CACNA1E: variants seen among roughly 807,000 people sequenced by gnomAD.
CACNA1E encodes calcium voltage-gated channel subunit alpha1 E.
In CACNA1E, 40 loss-of-function variants were observed where a neutral mutation model predicts 259.2. The observed-to-expected ratio is 0.15, with a 90% confidence interval of 0.12 to 0.20. CACNA1E has a LOEUF of 0.20. CACNA1E is among the 10% of genes least tolerant of loss of function. The pLI is 1.00. For synonymous variants in CACNA1E, 1,104 were observed against 1,138.5 expected, an observed-to-expected ratio of 0.97 and a Z score of 0.61; for missense variants, 1,874 against 3,040.1, an observed-to-expected ratio of 0.62 and a Z score of 9.02.
chr1:181,531,563 C>G (rs1301102015), intron 3 of CACNA1E, among the ~76,000 whole-genome samples: 1 of 152,188 alleles, frequency 6.6e-6, no homozygotes, highest in Non-Finnish European at 1.5e-5. Context: ...TGGAGCTGGG[C>G]AGGGCGGGAG....
At chr1:181,698,293 G>C (rs1175713902) in intron 7 of CACNA1E, among the ~76,000 whole-genome samples, 1 of 152,176 alleles carries the variant, frequency 6.6e-6, no homozygotes, top group Non-Finnish European at 1.5e-5. Flanking sequence ...AGTAATAAGA[G>C]TTGTCAACTG....
chr1:181,759,395 CTGTGTGTGTGTG>C (rs10677275), intron 32 of CACNA1E, among the ~76,000 whole-genome samples: 1 of 146,886 alleles, frequency 6.8e-6, no homozygotes, highest in Non-Finnish European at 1.5e-5. Context: ...AGGGGTGTGT[CTGTGTGTGTGTG>C]TGTGTGTGTG....
chr1:181,320,659 C>CACGA (rs1650268142), intron 1 of CACNA1E, among the ~76,000 whole-genome samples: 1 of 152,184 alleles, frequency 6.6e-6, no homozygotes, highest in Non-Finnish European at 1.5e-5. Flanking sequence ...ACTCCCTGCA[C>CACGA]ACGAGGTTGA....
intron 3 of CACNA1E, among the ~76,000 whole-genome samples, chr1:181,569,582 G>A (rs1272367496): frequency 6.6e-6 from 1 of 152,200 alleles, no homozygotes; most frequent in African/African-American, 2.4e-5. Context: ...AAAACATCAT[G>A]TGTAATTCAG....
At position 181,651,433 on chromosome 1, in the gene CACNA1E, G is replaced by A. The variant is rs1658746679; in HGVS notation, c.1047G>A (p.Val349=). 6.2e-7 allele frequency: 1 copy of A among 1,610,230 alleles called. No individual in the cohort carries two copies. The highest frequency in any genetic ancestry group is 1.7e-5 in the Admixed American group (1 of 59,984). The part of the protein sequence containing the change: ...SFFVLNLVLG[V]LSGEFAKERE... ...TTGTTCTCAACCTAGTCCTGGGAGTGCTTTCCGGGTGAGCCAGATGTTTCT... is the reference window on the plus strand; with the variant it reads ...TTGTTCTCAACCTAGTCCTGGGAGTACTTTCCGGGTGAGCCAGATGTTTCT... Residue 349 remains valine (V), a synonymous_variant, in exon 7 of 48, where the codon GTG becomes GTA. Coordinates refer to ENST00000367573, the MANE Select transcript of CACNA1E (RefSeq NM_001205293.3).
intron 3 of CACNA1E, among the ~76,000 whole-genome samples, chr1:181,539,250 T>C (rs1668401591): frequency 6.6e-6 from 1 of 152,198 alleles, no homozygotes; most frequent in South Asian, 2.1e-4. Context: ...TAGTATCTCC[T>C]CCACTACATA....
intron 3 of CACNA1E, among the ~76,000 whole-genome samples, chr1:181,547,728 T>G (rs895394391): frequency 6.6e-6 from 1 of 152,256 alleles, no homozygotes; most frequent in African/African-American, 2.4e-5. Context: ...GGAGGCCTTC[T>G]TATTCATTGC....
rs141653225 is a variant in CACNA1E, at chr1:181,754,586, C to T, written c.3829-651C>T. 3.0e-3 allele frequency among the ~76,000 whole-genome samples: 456 copies of T among 152,304 alleles called. 2 individuals are homozygous for T. Among genetic ancestry groups the T allele is most frequent in the African/African-American group, 0.01 (434 of 41,564 alleles). On this transcript the variant is annotated intron_variant, in intron 27 of 47. Transcript: ENST00000367573. ...GTCCCTAGTTCTATCTACCCAGCCT[C>T]GCCATCTCTAAGAGAAGGTGTCTAT...
chr1:181,683,437 T>C (rs1650192000), intron 7 of CACNA1E, among the ~76,000 whole-genome samples: 1 of 152,240 alleles, frequency 6.6e-6, no homozygotes, highest in Admixed American at 6.5e-5. Context: ...ATTTTATTTC[T>C]TTCTTCTTTT....
chr1:181,685,649 A>G (rs1194669868), intron 7 of CACNA1E, among the ~76,000 whole-genome samples: 1 of 152,160 alleles, frequency 6.6e-6, no homozygotes, highest in East Asian at 1.9e-4. Flanking sequence ...TCACCTATTC[A>G]ATAAACTTAA....
chr1:181,732,837 C>G lies in CACNA1E; in HGVS notation c.2751C>G (p.Ser917Arg), dbSNP rs1365613501. 1.2e-6 allele frequency: 2 copies of G among 1,612,970 alleles called. No individual in the cohort carries two copies. The highest frequency in any genetic ancestry group is 2.2e-5 in the East Asian group (1 of 44,868). Residue 917 changes from serine (S) to arginine (R), a missense_variant, in exon 20 of 48, where the codon AGC becomes AGG. Physicochemically the swap from Ser to Arg is moderately radical, Grantham distance 110 (BLOSUM62 -1). This residue lies in a region of CACNA1E where 476 missense variants were observed against 514.0 expected (regional missense o/e 0.93). Coordinates refer to ENST00000367573, the MANE Select transcript of CACNA1E (RefSeq NM_001205293.3). The surrounding 1 kb of genome is among the most constrained non-coding windows in gnomAD (Gnocchi z 5.5). ...AGGACCGGGCCAGGCACAGGCAGAG[C>G]CAACGGCGCAGCCGGCATCGCCGCG... ...TFEDRARHRQ[S>R]QRRSRHRRVR...
chr1:181,460,641 A>G (rs1237621399), intron 2 of CACNA1E, among the ~76,000 whole-genome samples: 1 of 152,202 alleles, frequency 6.6e-6, no homozygotes, highest in Non-Finnish European at 1.5e-5. Context: ...AGGAGGAAGG[A>G]GCTTGGGTTC....
intron 1 of CACNA1E, among the ~76,000 whole-genome samples, chr1:181,412,904 C>T (rs1167648929): frequency 6.6e-6 from 1 of 152,236 alleles, no homozygotes; most frequent in Non-Finnish European, 1.5e-5. Context: ...GGGGCCCAGC[C>T]TGGTCCGCCG....
At chr1:181,435,370 C>A (rs1424104438) in intron 2 of CACNA1E, among the ~76,000 whole-genome samples, 1 of 152,110 alleles carries the variant, frequency 6.6e-6, no homozygotes, top group Non-Finnish European at 1.5e-5. Flanking sequence ...CTAATTGCTC[C>A]CCCTACTGAA....
chr1:181,492,089 G>A (rs143561824), intron 1 of CACNA1E, among the ~76,000 whole-genome samples: 1 of 152,256 alleles, frequency 6.6e-6, no homozygotes, highest in African/African-American at 2.4e-5. Context: ...GATTCTTTCA[G>A]TTTCTGTATT....
chr1:181,446,441 A>AG (rs1207451866), intron 2 of CACNA1E, among the ~76,000 whole-genome samples: 1 of 152,230 alleles, frequency 6.6e-6, no homozygotes, highest in Non-Finnish European at 1.5e-5. Flanking sequence ...GTTTCATTAC[A>AG]GGGGCTATGG....
chr1:181,384,181 C>T (rs1655669115), intron 1 of CACNA1E, among the ~76,000 whole-genome samples: 1 of 152,170 alleles, frequency 6.6e-6, no homozygotes, highest in Non-Finnish European at 1.5e-5. Context: ...TTTACCTGCA[C>T]TGCGCAGTGA....
chr1:181,529,070 G>A (rs980172443), intron 3 of CACNA1E, among the ~76,000 whole-genome samples: 3 of 152,190 alleles, frequency 2.0e-5, no homozygotes, highest in Non-Finnish European at 1.5e-5. Flanking sequence ...AGGCCCAGGA[G>A]GAAAAAGTGG....
At chr1:181,442,921 C>T (rs1478229873) in intron 2 of CACNA1E, among the ~76,000 whole-genome samples, 1 of 152,170 alleles carries the variant, frequency 6.6e-6, no homozygotes, top group Non-Finnish European at 1.5e-5. Context: ...GCAGACCAGC[C>T]TTGCTGTCAG....
Sources: gnomAD v4.1 joint callset for allele counts (sites outside exome capture counted in the v4.1 genomes callset) on GRCh38, gnomAD v4.1.1 for gene constraint, gnomAD v4.1.1 regional missense constraint, Gnocchi (gnomAD v3.1) non-coding constraint, MANE v1.5 for transcripts, NCBI Gene and HGNC (gene_info 2026-07-23, HGNC 2026-07-21) for gene names.